The following USP22 variants were observed in gnomAD, a reference collection of about 807,000 sequenced individuals.
USP22 encodes the protein ubiquitin carboxyl-terminal hydrolase 22.
A neutral mutation model predicts 68.1 loss-of-function variants in USP22; 22 were observed. The ratio of observed to expected loss-of-function variants is 0.32; its 90% CI spans 0.23 to 0.46. USP22 has a LOEUF of 0.46. Ranked by LOEUF, USP22 falls within the 20% of genes least tolerant of loss-of-function variation. USP22 has a pLI of 1.00. For synonymous variants in USP22, 279 were observed against 274.2 expected (o/e 1.02, Z -0.17); for missense variants, 433 against 695.8 (o/e 0.62, Z 4.25).
intron 1 of USP22, among the ~76,000 whole-genome samples, chr17:21,034,478 T>A (rs916782757): frequency 6.6e-6 from 1 of 152,184 alleles, no homozygotes; most frequent in Admixed American, 6.5e-5. Flanking sequence ...ACAGTCAACC[T>A]CAGTCTGAAA....
chr17:21,025,777 A>C (rs1972212154), intron 2 of USP22, among the ~76,000 whole-genome samples: 1 of 152,252 alleles, frequency 6.6e-6, no homozygotes, highest in Non-Finnish European at 1.5e-5. Flanking sequence ...ACACATATGA[A>C]ATATCCAGGA....
In USP22 at chr17:21,003,076, GT is replaced by G; in HGVS notation, c.1536-4del. On this transcript the variant is annotated splice_polypyrimidine_tract_variant and splice_region_variant and intron_variant, in intron 12 of 12. Coordinates refer to ENST00000261497, the MANE Select transcript of USP22 (RefSeq NM_015276.2). ...GTTTGTGATAGAACAGCAAGTACCTGTGGAGGCAGAGAGAGGGAGGAGGCTC... is the reference window on the plus strand; with the variant it reads ...GTTTGTGATAGAACAGCAAGTACCTGGGAGGCAGAGAGAGGGAGGAGGCTC... The G allele has an allele frequency of 6.2e-7, 1 of 1,613,940 alleles. No individual in the cohort carries two copies.
chr17:21,001,880 C>T lies in USP22; in HGVS notation c.*1151G>A, dbSNP rs1913592530. ...ATGCACATCCTTCTACTTTCTCTTT[C>T]AGCTCTGCTGACAAGCTCAATCACG... On this transcript the variant is annotated 3_prime_UTR_variant, in exon 13 of 13. Coordinates refer to ENST00000261497, the MANE Select transcript of USP22 (RefSeq NM_015276.2). 1.3e-5 allele frequency: 2 copies of T among 152,248 alleles called. No individual in the cohort carries two copies. Among genetic ancestry groups the T allele is most frequent in the Admixed American group, 1.3e-4 (2 of 15,282 alleles). The allele number at this position is 152,248 out of a possible 1,614,324, so 9.4% of individuals were successfully genotyped here.
chr17:21,001,467 C>T lies in USP22; in HGVS notation c.*1564G>A, dbSNP rs1458603731. On this transcript the variant is annotated 3_prime_UTR_variant, in exon 13 of 13. Transcript: ENST00000261497. ...GTTTTTAAATAGTTAAAAAAAAAAT[C>T]TAAGTTTCTTGACACAGAACAATAT... is the stretch of plus-strand genomic sequence containing the variant. 6.6e-6 allele frequency: 1 copy of T among 152,196 alleles called. No individual in the cohort carries two copies. Among genetic ancestry groups the T allele is most frequent in the South Asian group, 2.1e-4 (1 of 4,820 alleles). 9.4% of individuals were successfully genotyped at this position (152,196 alleles called of 1,614,324 possible). A position where few individuals can be genotyped will look rare whatever the true frequency, so the allele number is the denominator to read the frequency against.
At chr17:21,027,951 G>T (rs1972242834) in intron 2 of USP22, among the ~76,000 whole-genome samples, 1 of 152,150 alleles carries the variant, frequency 6.6e-6, no homozygotes, top group Admixed American at 6.5e-5. Flanking sequence ...CTGGGTGACA[G>T]CGCGAGACTC....
rs561080513 is a variant in USP22 at position 21,003,001 on chromosome 17, C to T, written c.*30G>A. On this transcript the variant is annotated 3_prime_UTR_variant, in exon 13 of 13. Coordinates refer to ENST00000261497, the MANE Select transcript of USP22 (RefSeq NM_015276.2). ...TTTGTGAGGCTTGCCAATGCATTGC[C>T]TTTGTTTTTCTGACCAGCTGCAGAT... 55 of 1,612,810 alleles carry T rather than the reference C, an allele frequency of 3.4e-5. 1 individual carries two copies. The South Asian group carries it at 5.5e-4, about 16-fold the overall frequency.
intron 12 of USP22, 44 bp from the exon 13 acceptor site, chr17:21,003,117 A>T (rs202084261): frequency 1.2e-6 from 2 of 1,611,016 alleles, no homozygotes; most frequent in African/African-American, 2.7e-5. Context: ...CTAACTCCTA[A>T]GACAGGAGCC....
chr17:21,030,660 T>C (rs1972278922), intron 1 of USP22, among the ~76,000 whole-genome samples: 1 of 152,186 alleles, frequency 6.6e-6, no homozygotes, highest in East Asian at 1.9e-4. Context: ...TAGGGAGGTA[T>C]GTCCAAATTG....
rs549011275 is a variant in USP22 at position 21,003,238 on chromosome 17, A to G, written c.1536-165T>C. 2.0e-5 allele frequency among the ~76,000 whole-genome samples: 3 copies of G among 152,106 alleles called. No homozygotes were observed. In the South Asian group the frequency reaches 6.2e-4, roughly 32 times the overall value. ...GTCCGCAAGGAGGAAAGAGTGCTTCACTGGCTGGTGGCACTGGCCCTGCCC... is the reference window on the plus strand; with the variant it reads ...GTCCGCAAGGAGGAAAGAGTGCTTCGCTGGCTGGTGGCACTGGCCCTGCCC... On this transcript the variant is annotated intron_variant, in intron 12 of 12. Transcript: ENST00000261497.
chr17:21,030,553 A>C (rs1972277139), intron 1 of USP22, among the ~76,000 whole-genome samples: 1 of 152,222 alleles, frequency 6.6e-6, no homozygotes, highest in Non-Finnish European at 1.5e-5. Flanking sequence ...AACCAAACTT[A>C]TCCCCACCAC....
intron 2 of USP22, among the ~76,000 whole-genome samples, chr17:21,022,080 AC>A: frequency 1.3e-5 from 2 of 152,304 alleles, no homozygotes; most frequent in Non-Finnish European, 2.9e-5. Context: ...AGCCTGGGCA[AC>A]AGAGTGAGAC....
intron 1 of USP22, 38 bp from the exon 2 acceptor site, chr17:21,028,712 A>G (rs369744322): frequency 4.4e-6 from 7 of 1,606,952 alleles, no homozygotes; most frequent in Non-Finnish European, 5.9e-6. Flanking sequence ...ACGCTGTGTG[A>G]TAAGACAGGG....
intron 2 of USP22, among the ~76,000 whole-genome samples, chr17:21,027,038 C>T (rs1972229430): frequency 6.6e-6 from 1 of 151,848 alleles, no homozygotes. Context: ...CTCCAGTCTG[C>T]CCACCTTGGT....
rs538135366 is a variant in USP22 at position 21,018,755 on chromosome 17, G to A, written c.520+329C>T. Reference sequence around the variant, plus strand: ...TCCCTCAATTTGTAGAAAATTCAGCGAACACTTACACTCACACACATCATT... The same window carrying A: ...TCCCTCAATTTGTAGAAAATTCAGCAAACACTTACACTCACACACATCATT... On this transcript the variant is annotated intron_variant, in intron 4 of 12. Transcript: ENST00000261497. Among the ~76,000 whole-genome samples, 58 of 152,022 alleles carry A rather than the reference G, an allele frequency of 3.8e-4. 4 individuals carry two copies. The South Asian group carries it at 9.6e-3, about 25-fold the overall frequency.
intron 12 of USP22, 41 bp from the exon 13 acceptor site, chr17:21,003,114 CT>C: frequency 6.2e-7 from 1 of 1,611,992 alleles, no homozygotes; most frequent in Non-Finnish European, 8.5e-7. Flanking sequence ...CCTCTAACTC[CT>C]AAGACAGGAG....
rs989262258 is a variant in USP22 at position 21,042,835 on chromosome 17, T to TG, written c.-1dup. Reference sequence around the variant, plus strand: ...CCCTCGGGCTCTGGCCGGGACACCATGGGGGGCAAGGCCCGGCCGCGCGCG... The same window carrying TG: ...CCCTCGGGCTCTGGCCGGGACACCATGGGGGGGCAAGGCCCGGCCGCGCGCG... On this transcript the variant is annotated 5_prime_UTR_variant, in exon 1 of 13. Coordinates refer to ENST00000261497, the MANE Select transcript of USP22 (RefSeq NM_015276.2). 1.5e-6 allele frequency: 2 copies of TG among 1,344,970 alleles called. No homozygotes were observed. Among genetic ancestry groups the TG allele is most frequent in the South Asian group, 1.8e-5 (1 of 55,822 alleles). 83.3% of individuals were successfully genotyped at this position (1,344,970 alleles called of 1,614,324 possible).
At chr17:21,017,589 G>A (rs1972104419) in intron 5 of USP22, among the ~76,000 whole-genome samples, 1 of 152,206 alleles carries the variant, frequency 6.6e-6, no homozygotes, top group Non-Finnish European at 1.5e-5. Flanking sequence ...GGAGGACACA[G>A]GAGGGTGACA....
chr17:21,006,507 A>ATT (rs33994457), intron 10 of USP22: 13,214 of 139,036 alleles, frequency 0.095, 1,720 homozygotes, highest in African/African-American at 0.29. Context: ...ATCGACAGTC[A>ATT]TTTTTTTTTT....
At chr17:21,029,083 G>C (rs1455657487) in intron 1 of USP22, among the ~76,000 whole-genome samples, 2 of 152,136 alleles carry the variant, frequency 1.3e-5, no homozygotes, top group African/African-American at 4.8e-5. Flanking sequence ...AGCAAATTTA[G>C]AAGCCAACAA....
Sources: gnomAD v4.1 joint callset for allele counts (sites outside exome capture counted in the v4.1 genomes callset) on GRCh38, gnomAD v4.1.1 for gene constraint, MANE v1.5 for transcripts, NCBI Gene and HGNC (gene_info 2026-07-23, HGNC 2026-07-21) for gene names.